Variants in IL12RB2 observed in about 807,000 individuals in gnomAD.
IL12RB2 encodes interleukin-12 receptor subunit beta-2.
In IL12RB2, 82 loss-of-function variants were observed where a neutral mutation model predicts 89.4. The observed-to-expected ratio is 0.92, with a 90% CI of 0.77 to 1.10. The LOEUF is 1.10. Ranked by LOEUF, IL12RB2 falls within the 50% of genes least tolerant of loss-of-function variation. The pLI is 0.00. For missense variants in IL12RB2, 963 were observed against 1,031.9 expected, an observed-to-expected ratio of 0.93 and a Z score of 0.92; for synonymous variants, 368 against 370.1, an observed-to-expected ratio of 0.99 and a Z score of 0.07.
Position 67,307,985 on chromosome 1 carries a change from CG to C in IL12RB2, c.-125+22del, listed in dbSNP as rs1213595323. On this transcript the variant is annotated intron_variant, in intron 1 of 16. Transcript: ENST00000674203. ...GACACGTGGTGAGTGACCAGTGACTCGGGGTCGGGGACAGAGAGAGCCCCAG... is the reference window on the plus strand; with the variant it reads ...GACACGTGGTGAGTGACCAGTGACTCGGGTCGGGGACAGAGAGAGCCCCAG... The C allele has an allele frequency of 6.6e-6, 1 of 152,026 alleles. No individual in the cohort carries two copies. The highest frequency in any genetic ancestry group is 1.5e-5 in the Non-Finnish European group (1 of 68,054). 9.4% of individuals were successfully genotyped at this position (152,026 alleles called of 1,614,324 possible). A position where few individuals can be genotyped will look rare whatever the true frequency, so the allele number is the denominator to read the frequency against.
In IL12RB2 at chr1:67,322,890, C is replaced by T. The variant is rs146160325; in HGVS notation, c.364+1001C>T. On this transcript the variant is annotated intron_variant, in intron 4 of 16. Coordinates refer to ENST00000674203, the MANE Select transcript of IL12RB2 (RefSeq NM_001374259.2). ...CAGTTCGCAACCTGTGGCCCATAGC[C>T]TTGCAGGTCCAACCAGGCAATCCTA... 4.6e-5 allele frequency among the ~76,000 whole-genome samples: 7 copies of T among 152,320 alleles called. No individual in the cohort carries two copies. In the East Asian group the frequency reaches 1.4e-3, roughly 29 times the overall value.
At chr1:67,382,291 A>G (rs1040338400) in intron 14 of IL12RB2, among the ~76,000 whole-genome samples, 18 of 152,200 alleles carry the variant, frequency 1.2e-4, no homozygotes, top group Non-Finnish European at 2.4e-4. Context: ...TAACTTCCCT[A>G]TTCAGCCCTG....
chr1:67,345,574 T>C (rs1468654323), intron 9 of IL12RB2, among the ~76,000 whole-genome samples: 3 of 152,230 alleles, frequency 2.0e-5, no homozygotes, highest in African/African-American at 7.2e-5. Flanking sequence ...GAGGATTGGC[T>C]GCCAGGACCT....
Position 67,318,103 on chromosome 1 carries a change from G to A in IL12RB2, c.-36-2230G>A, listed in dbSNP as rs1024525224. ...AGCCACACGAAGACGCAAGGGAAGA[G>A]GATTCTAGCAGAGGACATGGAAAAT... is the stretch of plus-strand genomic sequence containing the variant. On this transcript the variant is annotated intron_variant, in intron 2 of 16. Transcript: ENST00000674203. 4.6e-5 allele frequency among the ~76,000 whole-genome samples: 7 copies of A among 152,162 alleles called. No homozygotes were observed. The East Asian group carries it at 1.3e-3, about 29-fold the overall frequency.
chr1:67,398,367 A>C lies in IL12RB2; in HGVS notation c.*2278A>C, dbSNP rs1236624660. ...TTTGGTTTCCTTTTGATTATCTCTC[A>C]TCCATCTCAGCCACTATTCTCCTCC... On this transcript the variant is annotated 3_prime_UTR_variant, in exon 17 of 17. Coordinates refer to ENST00000674203, the MANE Select transcript of IL12RB2 (RefSeq NM_001374259.2). Among the ~76,000 whole-genome samples, 1 of 151,652 alleles carries C rather than the reference A, an allele frequency of 6.6e-6. No homozygotes were observed. The highest frequency in any genetic ancestry group is 1.5e-5 in the Non-Finnish European group (1 of 67,946).
intron 2 of IL12RB2, among the ~76,000 whole-genome samples, chr1:67,315,594 G>A (rs377031090): frequency 6.6e-6 from 1 of 151,840 alleles, no homozygotes; most frequent in Non-Finnish European, 1.5e-5. Flanking sequence ...TAGATTAACA[G>A]GAAAAAAATA....
At chr1:67,351,710 C>T (rs1660867311) in intron 10 of IL12RB2, among the ~76,000 whole-genome samples, 2 of 152,104 alleles carry the variant, frequency 1.3e-5, no homozygotes, top group Admixed American at 6.5e-5. Context: ...TTTTGTTTTA[C>T]CATAGCCCTT....
At chr1:67,357,206 T>C (rs1477099973) in intron 10 of IL12RB2, among the ~76,000 whole-genome samples, 1 of 151,720 alleles carries the variant, frequency 6.6e-6, no homozygotes, top group Non-Finnish European at 1.5e-5. Context: ...AAAAAATAAA[T>C]AAATAAAAAT....
intron 10 of IL12RB2, among the ~76,000 whole-genome samples, chr1:67,356,763 G>T (rs148861617): frequency 1.3e-5 from 2 of 152,186 alleles, no homozygotes; most frequent in Non-Finnish European, 2.9e-5. Flanking sequence ...AAAAGCCAAG[G>T]TTGTTGACCA....
rs769774741 is a variant in IL12RB2, at chr1:67,368,010, T to C, written c.1444T>C (p.Ser482Pro). Residue 482 changes from serine to proline, a missense_variant, in exon 11 of 17, where the codon TCT (serine) becomes CCT (proline). Coordinates refer to ENST00000674203, the MANE Select transcript of IL12RB2 (RefSeq NM_001374259.2). The stretch of plus-strand genomic sequence containing the variant: ...GCTACGGAGTCGACCCTACAATGTG[T>C]CTGCTCTGATTTCAGGTACCTAATT... ...NWLRSRPYNV[S>P]ALISENIKSY... 6.3e-7 allele frequency: 1 copy of C among 1,598,690 alleles called. No individual in the cohort carries two copies. The highest frequency in any genetic ancestry group is 1.7e-4 in the Middle Eastern group (1 of 6,018).
At chr1:67,318,541 G>A (rs1185546917) in intron 2 of IL12RB2, among the ~76,000 whole-genome samples, 2 of 152,078 alleles carry the variant, frequency 1.3e-5, no homozygotes, top group East Asian at 1.9e-4. Flanking sequence ...ATATTTTGGA[G>A]GTAAAGTTGA....
intron 13 of IL12RB2, among the ~76,000 whole-genome samples, chr1:67,373,884 G>C (rs1663641455): frequency 6.6e-6 from 1 of 152,210 alleles, no homozygotes; most frequent in Non-Finnish European, 1.5e-5. Flanking sequence ...CACCTGGGAA[G>C]CTTTATGAGT....
At chr1:67,323,429 T>A (rs1292455425) in intron 4 of IL12RB2, among the ~76,000 whole-genome samples, 1 of 152,236 alleles carries the variant, frequency 6.6e-6, no homozygotes, top group Admixed American at 6.5e-5. Context: ...TTTCTCCATC[T>A]GTATTACGAA....
chr1:67,385,442 T>A (rs1323369289), intron 14 of IL12RB2, among the ~76,000 whole-genome samples: 1 of 152,184 alleles, frequency 6.6e-6, no homozygotes, highest in East Asian at 1.9e-4. Flanking sequence ...ATGTGGGGAT[T>A]ATGGGAATTA....
intron 13 of IL12RB2, 41 bp downstream of exon 13, chr1:67,372,824 T>G (rs1335814386): frequency 1.5e-5 from 22 of 1,429,552 alleles, no homozygotes; most frequent in Non-Finnish European, 2.1e-5. Context: ...GGCCTTCTTG[T>G]TTGGATGTCA....
chr1:67,380,088 G>T lies in IL12RB2; in HGVS notation c.1820G>T (p.Ser607Ile). 1 of 1,614,198 alleles carries T rather than the reference G, an allele frequency of 6.2e-7. No individual in the cohort carries two copies. Among genetic ancestry groups the T allele is most frequent in the Non-Finnish European group, 8.5e-7 (1 of 1,180,018 alleles). ...WMTALTAAGE[S>I]SHGNEREFCL... ...ACAGCTCTGACAGCTGCTGGTGAAAGTTCCCACGGAAATGAGAGGGAATTT... is the reference window on the plus strand; with the variant it reads ...ACAGCTCTGACAGCTGCTGGTGAAATTTCCCACGGAAATGAGAGGGAATTT... The change falls in exon 14 of 17, where the codon AGT becomes ATT. Residue 607 changes from serine (S) to isoleucine (I), a missense_variant. Coordinates refer to ENST00000674203, the MANE Select transcript of IL12RB2 (RefSeq NM_001374259.2).
At chr1:67,341,169 G>T (rs566672874) in intron 9 of IL12RB2, among the ~76,000 whole-genome samples, 1 of 152,274 alleles carries the variant, frequency 6.6e-6, no homozygotes, top group South Asian at 2.1e-4. Flanking sequence ...CCTAATCCCA[G>T]CACCTGGGGA....
intron 16 of IL12RB2, among the ~76,000 whole-genome samples, chr1:67,395,176 G>A (rs1259198011): frequency 6.6e-6 from 1 of 152,026 alleles, no homozygotes; most frequent in African/African-American, 2.4e-5. Flanking sequence ...GCTGAGGCAC[G>A]AGAATTGCTT....
At chr1:67,327,227 G>A (rs1657455466) in intron 5 of IL12RB2, among the ~76,000 whole-genome samples, 1 of 152,044 alleles carries the variant, frequency 6.6e-6, no homozygotes. Context: ...CCAAAGTGCT[G>A]GGATTACAGG....
Sources: gnomAD v4.1 joint callset for allele counts (sites outside exome capture counted in the v4.1 genomes callset) on GRCh38, gnomAD v4.1.1 for gene constraint, MANE v1.5 for transcripts, NCBI Gene and HGNC (gene_info 2026-07-23, HGNC 2026-07-21) for gene names.